The following ALCAM variants were observed in gnomAD, a reference collection of about 807,000 sequenced individuals.
ALCAM encodes the protein activated leukocyte cell adhesion molecule, also known as CD166 antigen.
ALCAM carries 30 observed loss-of-function variants against 70.9 expected under a neutral mutation model. That is an observed-to-expected ratio of 0.42 (90% confidence interval 0.32 to 0.57). The LOEUF (loss-of-function observed/expected upper bound fraction) is 0.57. Among genes scored for constraint, ALCAM ranks in the 20% least tolerant of loss-of-function variants. The pLI is 0.11. For missense variants in ALCAM, 591 were observed against 695.1 expected (o/e 0.85, Z 1.68); for synonymous variants, 249 against 242.5 (o/e 1.03, Z -0.25).
At position 105,367,314 on chromosome 3, in the gene ALCAM, G is replaced by C. The variant is rs891726945; in HGVS notation, c.-95G>C. 17 of 1,309,636 alleles carry C rather than the reference G, an allele frequency of 1.3e-5. No individual in the cohort carries two copies. Among genetic ancestry groups the C allele is most frequent in the Non-Finnish European group, 1.7e-5 (16 of 925,880 alleles). 81.1% of individuals were successfully genotyped at this position (1,309,636 alleles called of 1,614,324 possible). On this transcript the variant is annotated 5_prime_UTR_variant, in exon 1 of 16. Transcript: ENST00000306107. ...TGGGAGAAGACGCTGCCCCTGCGTC[G>C]GGACCCGCCAGCGCGCGGGCACCGC...
intron 1 of ALCAM, among the ~76,000 whole-genome samples, chr3:105,370,369 G>A (rs1231180668): frequency 6.6e-6 from 1 of 152,106 alleles, no homozygotes; most frequent in East Asian, 1.9e-4. Flanking sequence ...ATTATTTGCA[G>A]TAAATTGCTT....
chr3:105,432,182 C>A (rs765358348), intron 1 of ALCAM, among the ~76,000 whole-genome samples: 3 of 152,046 alleles, frequency 2.0e-5, no homozygotes, highest in African/African-American at 7.2e-5. Context: ...TTGACAATTG[C>A]AAAATATACA....
At chr3:105,418,913 C>T (rs1207819434) in intron 1 of ALCAM, among the ~76,000 whole-genome samples, 1 of 151,706 alleles carries the variant, frequency 6.6e-6, no homozygotes, top group Non-Finnish European at 1.5e-5. Context: ...CCTACTCTTT[C>T]ATTTCTACCA....
At chr3:105,478,905 G>T (rs1160443973) in intron 1 of ALCAM, among the ~76,000 whole-genome samples, 3 of 151,990 alleles carry the variant, frequency 2.0e-5, no homozygotes, top group Non-Finnish European at 4.4e-5. Context: ...GATTGGTTTG[G>T]TTTTTAAGTT....
intron 1 of ALCAM, among the ~76,000 whole-genome samples, chr3:105,446,681 C>T (rs1219344200): frequency 1.3e-5 from 2 of 150,916 alleles, no homozygotes; most frequent in South Asian, 4.2e-4. Context: ...CCTAAAAAAG[C>T]ATGAAATCAT....
At chr3:105,529,282 T>G (rs1317579509) in intron 3 of ALCAM, among the ~76,000 whole-genome samples, 2 of 152,220 alleles carry the variant, frequency 1.3e-5, no homozygotes, top group Non-Finnish European at 2.9e-5. Flanking sequence ...CTTGACTAAA[T>G]TACTTTAATG....
Position 105,545,076 on chromosome 3 carries a change from G to A in ALCAM, c.992-147G>A. 6.3e-6 allele frequency: 4 copies of A among 638,036 alleles called. No homozygotes were observed. The South Asian group carries it at 6.3e-5, about 10-fold the overall frequency. 39.5% of individuals were successfully genotyped at this position (638,036 alleles called of 1,614,324 possible). On this transcript the variant is annotated intron_variant, in intron 8 of 15. Transcript: ENST00000306107. The stretch of plus-strand genomic sequence containing the variant: ...GAAAAACTAGGCTAATCATGCTATA[G>A]TCCAATTATTTTAGTCATATAAATC...
At chr3:105,568,066 T>A (rs1255748368) in intron 14 of ALCAM, among the ~76,000 whole-genome samples, 4 of 57,844 alleles carry the variant, frequency 6.9e-5, no homozygotes, top group East Asian at 8.4e-4. Flanking sequence ...TTATTTTATT[T>A]TTTTTTTTTT....
At chr3:105,417,817 C>T (rs968062378) in intron 1 of ALCAM, among the ~76,000 whole-genome samples, 1 of 151,604 alleles carries the variant, frequency 6.6e-6, no homozygotes, top group African/African-American at 2.4e-5. Context: ...ATTGTATCTT[C>T]TCTTAGGACA....
At chr3:105,475,465 A>G (rs1274725600) in intron 1 of ALCAM, among the ~76,000 whole-genome samples, 1 of 151,954 alleles carries the variant, frequency 6.6e-6, no homozygotes, top group African/African-American at 2.4e-5. Context: ...GCTTGAAACT[A>G]ATTTGCTGGC....
At chr3:105,452,841 TCA>T (rs893040021) in intron 1 of ALCAM, among the ~76,000 whole-genome samples, 25 of 152,374 alleles carry the variant, frequency 1.6e-4, no homozygotes, top group African/African-American at 5.5e-4. Flanking sequence ...GAGCTTTTTT[TCA>T]TATGTTTGTT....
intron 1 of ALCAM, among the ~76,000 whole-genome samples, chr3:105,385,234 T>C (rs1935620763): frequency 6.6e-6 from 1 of 151,626 alleles, no homozygotes; most frequent in Non-Finnish European, 1.5e-5. Context: ...TAACAAGCCT[T>C]ATTTTAGTAT....
At chr3:105,432,388 A>G (rs1032364556) in intron 1 of ALCAM, among the ~76,000 whole-genome samples, 1 of 152,168 alleles carries the variant, frequency 6.6e-6, no homozygotes, top group Non-Finnish European at 1.5e-5. Context: ...AGTTCTAAAT[A>G]CAATCCTGGA....
rs191000944 is a variant in ALCAM at position 105,424,948 on chromosome 3, A to G, written c.73+57467A>G. On this transcript the variant is annotated intron_variant, in intron 1 of 15. Coordinates refer to ENST00000306107, the MANE Select transcript of ALCAM (RefSeq NM_001627.4). Reference sequence around the variant, plus strand: ...ATGCTATGTGTCTGCCCTTGTGTTTAGCACCATGCAGTAAGTGGTAGAACT... The same window carrying G: ...ATGCTATGTGTCTGCCCTTGTGTTTGGCACCATGCAGTAAGTGGTAGAACT... Among the ~76,000 whole-genome samples the G allele has an allele frequency of 2.7e-3, 405 of 151,896 alleles. 2 individuals carry two copies. Among genetic ancestry groups the G allele is most frequent in the African/African-American group, 9.4e-3 (388 of 41,496 alleles).
chr3:105,500,863 TG>T (rs375959815), intron 1 of ALCAM, among the ~76,000 whole-genome samples: 3 of 152,200 alleles, frequency 2.0e-5, no homozygotes, highest in African/African-American at 7.2e-5. Context: ...TTCCTACAGC[TG>T]GAGTCTTCTT....
intron 1 of ALCAM, among the ~76,000 whole-genome samples, chr3:105,461,018 G>T (rs1937596143): frequency 6.9e-6 from 1 of 145,282 alleles, no homozygotes; most frequent in Non-Finnish European, 1.5e-5. Flanking sequence ...GTGTGTGTAT[G>T]TGTGTCTGCA....
intron 1 of ALCAM, among the ~76,000 whole-genome samples, chr3:105,425,760 A>T (rs143706916): frequency 4.8e-5 from 7 of 146,526 alleles, no homozygotes; most frequent in African/African-American, 7.5e-5. Context: ...CATATTTTTA[A>T]TTTTTTTTTT....
At chr3:105,510,354 T>C (rs1033118450) in intron 1 of ALCAM, among the ~76,000 whole-genome samples, 1 of 152,048 alleles carries the variant, frequency 6.6e-6, no homozygotes, top group African/African-American at 2.4e-5. Flanking sequence ...GTATACTTGT[T>C]GCATTCAATT....
chr3:105,481,007 A>G (rs539853843), intron 1 of ALCAM, among the ~76,000 whole-genome samples: 2 of 152,184 alleles, frequency 1.3e-5, no homozygotes, highest in South Asian at 4.1e-4. Flanking sequence ...TCATTGCCCT[A>G]TCTGTTGACC....
Sources: allele counts gnomAD v4.1 joint callset (sites outside exome capture counted in the v4.1 genomes callset), GRCh38; gene constraint gnomAD v4.1.1; transcripts MANE v1.5; gene names NCBI Gene and HGNC (gene_info 2026-07-23, HGNC 2026-07-21).